ADAMTS18: variants seen among roughly 807,000 people sequenced by gnomAD.
The protein encoded by ADAMTS18 is ADAM metallopeptidase with thrombospondin type 1 motif 18, also known as A disintegrin and metalloproteinase with thrombospondin motifs 18.
ADAMTS18 carries 157 observed loss-of-function variants against 165.9 expected under a neutral mutation model. The ratio of observed to expected loss-of-function variants is 0.95; its 90% CI spans 0.83 to 1.08. The LOEUF is 1.08. ADAMTS18 is among the 50% of genes least tolerant of loss of function. The pLI is 0.00. For synonymous variants in ADAMTS18, 782 were observed against 578.2 expected (o/e 1.35, Z -5.06); for missense variants, 2,040 against 1,534.0 (o/e 1.33, Z -5.51).
rs567248998 is a variant in ADAMTS18, at chr16:77,424,637, T to C, written c.495+6658A>G. ...GATCTGGCATTTTGCTTCAAGTTTG[T>C]TATGAGCAAATAATTCTCTTCACAA... On this transcript the variant is annotated intron_variant, in intron 3 of 22. Transcript: ENST00000282849. Among the ~76,000 whole-genome samples, 8 of 152,302 alleles carry C rather than the reference T, an allele frequency of 5.3e-5. No homozygotes were observed. The South Asian group carries it at 8.3e-4, about 16-fold the overall frequency.
intron 3 of ADAMTS18, among the ~76,000 whole-genome samples, chr16:77,403,652 T>C (rs2057358578): frequency 6.6e-6 from 1 of 152,234 alleles, no homozygotes; most frequent in African/African-American, 2.4e-5. Context: ...AAATGACCTG[T>C]GTGTCTCAGC....
intron 12 of ADAMTS18, among the ~76,000 whole-genome samples, chr16:77,330,210 T>G (rs1021696948): frequency 1.1e-4 from 17 of 152,268 alleles, no homozygotes; most frequent in African/African-American, 4.1e-4. Context: ...CCTAACTCCA[T>G]GAGCTAAGTT....
chr16:77,355,859 A>C (rs2056621621), intron 9 of ADAMTS18, 81 bp downstream of exon 9: 1 of 1,524,708 alleles, frequency 6.6e-7, no homozygotes, highest in African/African-American at 1.4e-5. Context: ...ATTTCCACTG[A>C]GTATTCGTTT....
intron 10 of ADAMTS18, among the ~76,000 whole-genome samples, chr16:77,353,003 C>G (rs2056577538): frequency 2.0e-5 from 3 of 152,136 alleles, no homozygotes; most frequent in Admixed American, 2.0e-4. Flanking sequence ...TGGCATGAAC[C>G]TGGGAGGCGG....
chr16:77,396,791 T>A (rs890467146), intron 3 of ADAMTS18, among the ~76,000 whole-genome samples: 2 of 150,410 alleles, frequency 1.3e-5, no homozygotes, highest in East Asian at 3.9e-4. Flanking sequence ...CAAGTGCCAG[T>A]CTTCATTGCC....
At chr16:77,403,856 C>T (rs187499443) in intron 3 of ADAMTS18, among the ~76,000 whole-genome samples, 1 of 152,216 alleles carries the variant, frequency 6.6e-6, no homozygotes, top group Admixed American at 6.5e-5. Flanking sequence ...GGACACGATG[C>T]CATGCAAGTA....
intron 3 of ADAMTS18, 110 bp from the exon 4 acceptor site, chr16:77,367,833 A>T (rs2056821516): frequency 1.6e-6 from 2 of 1,265,918 alleles, no homozygotes; most frequent in African/African-American, 1.5e-5. Flanking sequence ...CACAGGAGCT[A>T]AAAGCTTCAC....
chr16:77,431,259 A>G (rs749218673), intron 3 of ADAMTS18, 36 bp downstream of exon 3: 2 of 1,612,934 alleles, frequency 1.2e-6, no homozygotes, highest in African/African-American at 1.3e-5. Context: ...ACAAAACACG[A>G]AAGAGGGAGC....
chr16:77,284,478 C>T (rs1192017168), intron 22 of ADAMTS18, among the ~76,000 whole-genome samples: 1 of 152,030 alleles, frequency 6.6e-6, no homozygotes. Flanking sequence ...GCACCTTTTT[C>T]TTAAGGTGAG....
At chr16:77,346,298 G>A (rs557064906) in intron 10 of ADAMTS18, among the ~76,000 whole-genome samples, 1 of 152,158 alleles carries the variant, frequency 6.6e-6, no homozygotes, top group African/African-American at 2.4e-5. Context: ...CACTAGCCAC[G>A]AGAGTACAGA....
chr16:77,367,169 C>T (rs1176049690), intron 4 of ADAMTS18, among the ~76,000 whole-genome samples: 1 of 152,066 alleles, frequency 6.6e-6, no homozygotes, highest in Non-Finnish European at 1.5e-5. Context: ...GTACTTTTCT[C>T]GGAAGCACAG....
At chr16:77,347,509 T>TC (rs1222519106) in intron 10 of ADAMTS18, among the ~76,000 whole-genome samples, 9 of 152,222 alleles carry the variant, frequency 5.9e-5, no homozygotes, top group African/African-American at 1.9e-4. Flanking sequence ...CCAGTCAGTG[T>TC]GCAGTGGTGC....
At position 77,434,522 on chromosome 16, in the gene ADAMTS18, G is replaced by A; in HGVS notation, c.91-17C>T. 1.3e-6 allele frequency: 2 copies of A among 1,546,766 alleles called. No homozygotes were observed. Among genetic ancestry groups the A allele is most frequent in the Non-Finnish European group, 1.7e-6 (2 of 1,149,796 alleles). ...CTGGAGCGCCTGCAAGAGAAAAGGT[G>A]ACATCGCGCGTGAGGGGCGCGGCGG... On this transcript the variant is annotated splice_polypyrimidine_tract_variant and intron_variant, in intron 1 of 22. Transcript: ENST00000282849.
chr16:77,346,176 C>T (rs1030187428), intron 10 of ADAMTS18, among the ~76,000 whole-genome samples: 4 of 152,182 alleles, frequency 2.6e-5, no homozygotes, highest in African/African-American at 9.6e-5. Flanking sequence ...AGCCACCAAC[C>T]AGTCAGTCTT....
At chr16:77,331,929 A>G (rs967154623) in intron 12 of ADAMTS18, among the ~76,000 whole-genome samples, 2 of 152,240 alleles carry the variant, frequency 1.3e-5, no homozygotes, top group Non-Finnish European at 2.9e-5. Flanking sequence ...GCTGACTCAA[A>G]TGAAGTACCA....
chr16:77,319,882 C>T lies in ADAMTS18; in HGVS notation c.2499G>A (p.Ala833=), dbSNP rs538095477. ...CCAGCGTCTCATTTGTGGGCCCTGG[C>T]GCGTACAGACGTTCCGGGCGGTTGA... ...RSFNRPERLY[A]PGPTNETLVF... Residue 833 remains alanine, a synonymous_variant, in exon 16 of 23, where the codon GCG becomes GCA. Transcript: ENST00000282849. The T allele has an allele frequency of 8.1e-6, 13 of 1,614,144 alleles. No homozygotes were observed. Among genetic ancestry groups the T allele is most frequent in the Admixed American group, 1.7e-5 (1 of 60,024 alleles).
intron 16 of ADAMTS18, among the ~76,000 whole-genome samples, chr16:77,319,608 A>C (rs1273465543): frequency 1.3e-5 from 2 of 152,010 alleles, no homozygotes; most frequent in East Asian, 3.9e-4. Flanking sequence ...ACACCTGGCT[A>C]ATTTTTGTAT....
At chr16:77,392,674 C>G (rs926305352) in intron 3 of ADAMTS18, among the ~76,000 whole-genome samples, 6 of 152,094 alleles carry the variant, frequency 3.9e-5, no homozygotes, top group African/African-American at 1.4e-4. Flanking sequence ...TTCCCAGTGC[C>G]GAGCCCTGTT....
At chr16:77,393,761 C>T (rs1042290105) in intron 3 of ADAMTS18, among the ~76,000 whole-genome samples, 2 of 152,206 alleles carry the variant, frequency 1.3e-5, no homozygotes, top group African/African-American at 4.8e-5. Context: ...GTTATGGCAG[C>T]CCAAGTGGAC....
Sources: allele counts gnomAD v4.1 joint callset (sites outside exome capture counted in the v4.1 genomes callset), GRCh38; gene constraint gnomAD v4.1.1; transcripts MANE v1.5; gene names NCBI Gene and HGNC (gene_info 2026-07-23, HGNC 2026-07-21).